Variants in RAD54B observed in about 807,000 individuals in gnomAD.
The protein encoded by RAD54B is DNA repair and recombination protein RAD54B.
In RAD54B, 78 loss-of-function variants were observed where a neutral mutation model predicts 95.8. The observed-to-expected ratio is 0.81, with a 90% CI of 0.68 to 0.98. The LOEUF (loss-of-function observed/expected upper bound fraction) is 0.98, where lower values mean the gene tolerates loss of function less well. Ranked by LOEUF, RAD54B falls within the 50% of genes least tolerant of loss-of-function variation. The pLI is 0.00. For missense variants in RAD54B, 957 were observed against 1,056.6 expected, an observed-to-expected ratio of 0.91 and a Z score of 1.31; for synonymous variants, 328 against 354.9, an observed-to-expected ratio of 0.92 and a Z score of 0.85.
At chr8:94,398,680 T>C (rs879771227) in intron 8 of RAD54B, among the ~76,000 whole-genome samples, 2 of 152,124 alleles carry the variant, frequency 1.3e-5, no homozygotes, top group Non-Finnish European at 2.9e-5. Context: ...AATTCTCTTC[T>C]TTATTCTGCT....
At chr8:94,410,266 T>C (rs1586145705) in intron 4 of RAD54B, among the ~76,000 whole-genome samples, 1 of 152,318 alleles carries the variant, frequency 6.6e-6, no homozygotes, top group Non-Finnish European at 1.5e-5. Context: ...ATGGTTCTTT[T>C]ATGCTCCCAC....
intron 2 of RAD54B, among the ~76,000 whole-genome samples, chr8:94,464,719 C>G (rs1367506941): frequency 6.6e-6 from 1 of 152,056 alleles, no homozygotes; most frequent in Non-Finnish European, 1.5e-5. Flanking sequence ...GTTTGCATTG[C>G]TATAAAGGAA....
At chr8:94,384,665 G>A (rs1810827543) in intron 11 of RAD54B, among the ~76,000 whole-genome samples, 1 of 152,176 alleles carries the variant, frequency 6.6e-6, no homozygotes, top group Admixed American at 6.5e-5. Context: ...GTAACTCTAT[G>A]TTATGTCTAT....
intron 9 of RAD54B, among the ~76,000 whole-genome samples, chr8:94,392,355 G>A (rs12681504): frequency 0.25 from 38,015 of 151,444 alleles, 5,665 homozygotes; most frequent in East Asian, 0.44. Context: ...TCCACCTCCC[G>A]GGTTCAAGGG....
intron 3 of RAD54B, 132 bp from the exon 4 acceptor site, chr8:94,411,447 A>G (rs1370932302): frequency 5.9e-6 from 4 of 679,376 alleles, no homozygotes; most frequent in Non-Finnish European, 4.6e-6. Flanking sequence ...ATATTTGATC[A>G]TACTCATGTT....
At chr8:94,436,476 A>G (rs1268250950) in intron 3 of RAD54B, 1 of 1,514,920 alleles carries the variant, frequency 6.6e-7, no homozygotes, top group Admixed American at 2.3e-5. Flanking sequence ...TTTCCATAAC[A>G]AAACAAAATA....
At chr8:94,449,333 T>G (rs1301482737) in intron 3 of RAD54B, among the ~76,000 whole-genome samples, 2 of 151,804 alleles carry the variant, frequency 1.3e-5, no homozygotes. Flanking sequence ...GGTGGCCAGG[T>G]GCAGTGGCTC....
intron 14 of RAD54B, among the ~76,000 whole-genome samples, chr8:94,377,559 A>C (rs886078321): frequency 1.6e-4 from 13 of 82,476 alleles, no homozygotes; most frequent in Non-Finnish European, 2.8e-4. Flanking sequence ...AAAAAAAAAA[A>C]AAAAAAAAAA....
At position 94,432,253 on chromosome 8, in the gene RAD54B, TCTC is replaced by T. The variant is rs1455767214; in HGVS notation, c.305-20941_305-20939del. The T allele has an allele frequency of 2.6e-6, 4 of 1,550,386 alleles. No homozygotes were observed. In the East Asian group the frequency reaches 7.3e-5, roughly 28 times the overall value. On this transcript the variant is annotated intron_variant, in intron 3 of 14. Transcript: ENST00000336148. ...TGCCTTCTTTTCAATCCATCCCTCT[TCTC>T]CTGAACATACAATCCAAAATTTTTT...
At chr8:94,439,898 A>G (rs3019282) in intron 3 of RAD54B, among the ~76,000 whole-genome samples, 37,096 of 152,136 alleles carry the variant, frequency 0.24, 5,610 homozygotes, top group East Asian at 0.43. Flanking sequence ...CAGACCTAAA[A>G]GAGTGCCTGG....
intron 3 of RAD54B, among the ~76,000 whole-genome samples, chr8:94,414,366 G>A (rs928787893): frequency 6.6e-6 from 1 of 152,108 alleles, no homozygotes; most frequent in Admixed American, 6.5e-5. Flanking sequence ...ACACTATGTT[G>A]AATAGGAGTG....
chr8:94,387,293 T>A, intron 10 of RAD54B, 134 bp from the exon 11 acceptor site: 1 of 677,112 alleles, frequency 1.5e-6, no homozygotes, highest in East Asian at 2.9e-5. Flanking sequence ...GTTAGGTAAA[T>A]CTTTATAGGT....
At chr8:94,472,776 TAAAG>T (rs1259952692) in intron 1 of RAD54B, among the ~76,000 whole-genome samples, 1 of 152,202 alleles carries the variant, frequency 6.6e-6, no homozygotes, top group Non-Finnish European at 1.5e-5. Context: ...ATTTATAAAA[TAAAG>T]AATGAACTAG....
intron 1 of RAD54B, among the ~76,000 whole-genome samples, chr8:94,471,487 T>C (rs1453946326): frequency 6.6e-6 from 1 of 152,126 alleles, no homozygotes; most frequent in Non-Finnish European, 1.5e-5. Flanking sequence ...CTATATAAGA[T>C]TGTAGTATGG....
At chr8:94,456,282 A>C (rs1240135773) in intron 3 of RAD54B, among the ~76,000 whole-genome samples, 2 of 152,242 alleles carry the variant, frequency 1.3e-5, no homozygotes, top group Non-Finnish European at 2.9e-5. Flanking sequence ...CAAGAAAGTG[A>C]AAATGTACTT....
chr8:94,407,612 C>A lies in RAD54B; in HGVS notation c.608G>T (p.Ser203Ile), dbSNP rs376304599. ...TCCAAGCTGAAAACACCTGCCACTGCTGAAGTCATCTGGAGAGATTACACC... is the reference window on the plus strand; with the variant it reads ...TCCAAGCTGAAAACACCTGCCACTGATGAAGTCATCTGGAGAGATTACACC... ...VMGVISPDDF[S>I]SGRCFQLGGG... The change falls in exon 5 of 15, where the codon AGC (serine) becomes ATC (isoleucine). Residue 203 changes from serine to isoleucine, a missense_variant. Physicochemically the swap from Ser to Ile is moderately radical, Grantham distance 142. Transcript: ENST00000336148. 39 of 1,613,924 alleles carry A rather than the reference C, an allele frequency of 2.4e-5. No homozygotes were observed. Among genetic ancestry groups the A allele is most frequent in the Non-Finnish European group, 3.0e-5 (35 of 1,179,964 alleles).
intron 3 of RAD54B, among the ~76,000 whole-genome samples, chr8:94,449,047 T>C (rs2930966): frequency 0.59 from 62,633 of 106,988 alleles, 13,070 homozygotes; most frequent in Admixed American, 0.65. Context: ...CACACATGCA[T>C]GCACACACAC....
In RAD54B at chr8:94,439,249, G is replaced by A. The variant is rs954415261; in HGVS notation, c.304+19019C>T. Reference sequence around the variant, plus strand: ...GAGTAGGAAATCTTCTAAAATTGTGGTAATTTTATGTCTCAGAATATACCT... The same window carrying A: ...GAGTAGGAAATCTTCTAAAATTGTGATAATTTTATGTCTCAGAATATACCT... On this transcript the variant is annotated intron_variant, in intron 3 of 14. Coordinates refer to ENST00000336148, the MANE Select transcript of RAD54B (RefSeq NM_012415.3). Among the ~76,000 whole-genome samples, 3 of 152,096 alleles carry A rather than the reference G, an allele frequency of 2.0e-5. No homozygotes were observed. The South Asian group carries it at 6.2e-4, about 32-fold the overall frequency.
At chr8:94,428,680 A>G (rs753859930) in intron 3 of RAD54B, 30 of 851,932 alleles carry the variant, frequency 3.5e-5, no homozygotes, top group Non-Finnish European at 4.2e-5. Flanking sequence ...AATATTTTCA[A>G]TCCACAGTAG....
Sources: gnomAD v4.1 joint callset for allele counts (sites outside exome capture counted in the v4.1 genomes callset) on GRCh38, gnomAD v4.1.1 for gene constraint, MANE v1.5 for transcripts, NCBI Gene and HGNC (gene_info 2026-07-23, HGNC 2026-07-21) for gene names.